Variants in NOL4 observed in about 807,000 individuals in gnomAD.
The protein encoded by NOL4 is cancer/testis antigen 125.
A neutral mutation model predicts 75.9 loss-of-function variants in NOL4; 17 were observed. The ratio of observed to expected loss-of-function variants is 0.22; its 90% CI spans 0.15 to 0.34. NOL4 has a LOEUF of 0.34. NOL4 is among the 10% of genes least tolerant of loss of function. The pLI is 1.00. For missense variants in NOL4, 614 were observed against 793.5 expected (o/e 0.77, Z 2.72); for synonymous variants, 292 against 289.9 (o/e 1.01, Z -0.07).
At chr18:33,859,555 T>C (rs1215459315) in intron 10 of NOL4, among the ~76,000 whole-genome samples, 1 of 152,218 alleles carries the variant, frequency 6.6e-6, no homozygotes, top group Non-Finnish European at 1.5e-5. Flanking sequence ...GCTATTTTGT[T>C]ACTTTTTAAT....
chr18:34,094,873 A>G (rs1173686643), intron 4 of NOL4, among the ~76,000 whole-genome samples: 1 of 152,212 alleles, frequency 6.6e-6, no homozygotes, highest in Non-Finnish European at 1.5e-5. Flanking sequence ...GCTATTATAT[A>G]CTAGAACCGG....
chr18:34,219,199 A>G (rs557205548), intron 1 of NOL4, among the ~76,000 whole-genome samples: 1 of 152,372 alleles, frequency 6.6e-6, no homozygotes, highest in South Asian at 2.1e-4. Flanking sequence ...TGGAATAAAT[A>G]TAAGAAAGAA....
At chr18:33,989,246 G>A (rs1402062099) in intron 6 of NOL4, among the ~76,000 whole-genome samples, 2 of 148,314 alleles carry the variant, frequency 1.3e-5, no homozygotes, top group African/African-American at 2.5e-5. Context: ...CTGAATGAAG[G>A]CCTAAAATAT....
At chr18:33,943,681 T>A (rs1172668433) in intron 8 of NOL4, among the ~76,000 whole-genome samples, 1 of 151,836 alleles carries the variant, frequency 6.6e-6, no homozygotes, top group Non-Finnish European at 1.5e-5. Flanking sequence ...GTGATTACAA[T>A]GGTTTTAAAT....
chr18:34,129,114 A>C (rs2080514821), intron 2 of NOL4, among the ~76,000 whole-genome samples: 1 of 151,898 alleles, frequency 6.6e-6, no homozygotes, highest in South Asian at 2.1e-4. Flanking sequence ...TGATTTTATA[A>C]AGGTTTTAAT....
intron 5 of NOL4, among the ~76,000 whole-genome samples, chr18:34,068,071 G>C (rs2077356447): frequency 6.6e-6 from 1 of 152,134 alleles, no homozygotes; most frequent in Non-Finnish European, 1.5e-5. Context: ...AGAAAGAAAA[G>C]CCAGTGAGGT....
intron 1 of NOL4, chr18:34,183,741 G>A (rs1038533652): frequency 6.6e-6 from 1 of 151,890 alleles, no homozygotes; most frequent in African/African-American, 2.4e-5. Context: ...ATGTTCCACA[G>A]TTCCACTCAT....
chr18:34,177,615 T>C (rs1326969507), intron 1 of NOL4, among the ~76,000 whole-genome samples: 1 of 151,832 alleles, frequency 6.6e-6, no homozygotes, highest in Non-Finnish European at 1.5e-5. Context: ...TATTAGGTTT[T>C]TCGCGGGATG....
chr18:33,888,826 G>C (rs2064924099), intron 9 of NOL4, among the ~76,000 whole-genome samples: 1 of 152,084 alleles, frequency 6.6e-6, no homozygotes, highest in Non-Finnish European at 1.5e-5. Flanking sequence ...CTGTAGCCTT[G>C]TAGTATAATG....
At chr18:34,075,842 T>C (rs2145324312) in intron 5 of NOL4, among the ~76,000 whole-genome samples, 1 of 152,302 alleles carries the variant, frequency 6.6e-6, no homozygotes, top group South Asian at 2.1e-4. Flanking sequence ...TGTATATGAG[T>C]TGTATGTGAA....
chr18:33,981,964 T>C (rs539779318), intron 6 of NOL4, among the ~76,000 whole-genome samples: 45 of 152,254 alleles, frequency 3.0e-4, no homozygotes, highest in Admixed American at 9.2e-4. Context: ...TGAATCTATA[T>C]AGTCTTATTT....
chr18:33,870,567 T>C (rs191172111), intron 10 of NOL4, among the ~76,000 whole-genome samples: 1 of 152,070 alleles, frequency 6.6e-6, no homozygotes, highest in East Asian at 1.9e-4. Flanking sequence ...GATGTAAACA[T>C]GGAGAGCTGA....
intron 10 of NOL4, among the ~76,000 whole-genome samples, chr18:33,859,622 G>A (rs1268146547): frequency 6.6e-6 from 1 of 152,006 alleles, no homozygotes; most frequent in East Asian, 1.9e-4. Context: ...TTCTTATACT[G>A]CTATAAATAC....
chr18:34,155,086 T>G (rs2030117098), intron 1 of NOL4, among the ~76,000 whole-genome samples: 1 of 151,780 alleles, frequency 6.6e-6, no homozygotes, highest in South Asian at 2.1e-4. Flanking sequence ...AATTTTTGAA[T>G]GAAAGGATGA....
intron 9 of NOL4, among the ~76,000 whole-genome samples, chr18:33,907,560 T>G (rs1011387725): frequency 1.3e-5 from 2 of 152,132 alleles, no homozygotes; most frequent in Non-Finnish European, 2.9e-5. Flanking sequence ...AACAAATACC[T>G]TTGTTGTTAA....
At chr18:33,942,996 C>T in intron 9 of NOL4, 69 bp downstream of exon 9, 1 of 1,063,744 alleles carries the variant, frequency 9.4e-7, no homozygotes, top group Non-Finnish European at 1.4e-6. Context: ...TACTCTTCAA[C>T]ATAAATCAAA....
chr18:34,203,717 T>TCTCACACACACACACACA (rs1261546835), intron 1 of NOL4, among the ~76,000 whole-genome samples: 2 of 72,264 alleles, frequency 2.8e-5, no homozygotes, highest in Non-Finnish European at 2.7e-5. Context: ...TCTCTCTCTC[T>TCTCACACACACACACACA]CACACACACA....
At chr18:34,148,992 A>G (rs988872169) in intron 1 of NOL4, among the ~76,000 whole-genome samples, 3 of 151,716 alleles carry the variant, frequency 2.0e-5, no homozygotes, top group African/African-American at 7.2e-5. Flanking sequence ...TAATATAAAT[A>G]TAGGGTTCCT....
At chr18:34,053,997 A>C (rs926371309) in intron 5 of NOL4, among the ~76,000 whole-genome samples, 2 of 151,938 alleles carry the variant, frequency 1.3e-5, no homozygotes, top group Non-Finnish European at 2.9e-5. Context: ...GATGAAAGTG[A>C]ATGTTAAAGA....
Sources: gnomAD v4.1 joint callset for allele counts (sites outside exome capture counted in the v4.1 genomes callset) on GRCh38, gnomAD v4.1.1 for gene constraint, MANE v1.5 for transcripts, NCBI Gene and HGNC (gene_info 2026-07-23, HGNC 2026-07-21) for gene names.